The following CDH23 variants were observed in gnomAD, a reference collection of about 807,000 sequenced individuals.
The protein encoded by CDH23 is cadherin related 23.
Under a neutral mutation model 317.1 loss-of-function variants are expected in CDH23, and 189 were observed. That is an observed-to-expected ratio of 0.60 (90% CI 0.53 to 0.67). The LOEUF is 0.67. Ranked by LOEUF, CDH23 falls within the 30% of genes least tolerant of loss-of-function variation. CDH23 has a pLI of 0.00. For missense variants in CDH23, 4,401 were observed against 4,592.4 expected (o/e 0.96, Z 1.20); for synonymous variants, 1,839 against 1,876.8 (o/e 0.98, Z 0.52).
At chr10:71,639,314 G>A (rs372343293) in intron 11 of CDH23, among the ~76,000 whole-genome samples, 2 of 152,080 alleles carry the variant, frequency 1.3e-5, no homozygotes, top group Admixed American at 6.5e-5. Context: ...AGCCTCCTCC[G>A]CATCTCCACC....
At chr10:71,584,048 C>T (rs530987985) in intron 9 of CDH23, among the ~76,000 whole-genome samples, 8 of 152,128 alleles carry the variant, frequency 5.3e-5, no homozygotes, top group East Asian at 1.9e-4. Context: ...TCTGTGGGTG[C>T]GCCCGGGCAA....
chr10:71,796,990 C>T, intron 48 of CDH23, 114 bp from the exon 49 acceptor site: 6 of 687,778 alleles, frequency 8.7e-6, no homozygotes, highest in Non-Finnish European at 1.6e-5. Context: ...CCAGATTCTA[C>T]TGGGGACCGT....
chr10:71,690,566 C>T lies in CDH23; in HGVS notation c.2158C>T (p.Arg720Trp), dbSNP rs746487992. The change falls in exon 20 of 70, where the codon CGG becomes TGG. Residue 720 changes from arginine (R) to tryptophan (W), a missense_variant. Physicochemically the swap from Arg to Trp is moderately radical, Grantham distance 101. This residue lies in a region of CDH23 where 3,068 missense variants were observed against 3,203.3 expected (regional missense o/e 0.96). Coordinates refer to ENST00000224721, the MANE Select transcript of CDH23 (RefSeq NM_022124.6). ...IYSLEGSTQF[R>W]INARSGEITT... ...CTCCTTGGAAGGCTCCACCCAGTTTCGGATCAATGCCCGCTCAGGTGAGCC... is the reference window on the plus strand; with the variant it reads ...CTCCTTGGAAGGCTCCACCCAGTTTTGGATCAATGCCCGCTCAGGTGAGCC... 11 of 1,603,440 alleles carry T rather than the reference C, an allele frequency of 6.9e-6. No individual in the cohort carries two copies. Among genetic ancestry groups the T allele is most frequent in the South Asian group, 4.5e-5 (4 of 88,452 alleles).
intron 1 of CDH23, among the ~76,000 whole-genome samples, chr10:71,421,915 A>G (rs1170105655): frequency 6.6e-6 from 1 of 152,102 alleles, no homozygotes; most frequent in Non-Finnish European, 1.5e-5. Context: ...GGTCATTAAA[A>G]GAGGAAGGGT....
At chr10:71,436,014 G>A (rs1216282415) in intron 1 of CDH23, among the ~76,000 whole-genome samples, 3 of 152,262 alleles carry the variant, frequency 2.0e-5, no homozygotes, top group South Asian at 2.1e-4. Flanking sequence ...GGACCTCAGG[G>A]AAAACCCAGC....
chr10:71,439,492 C>T (rs1170379572), intron 1 of CDH23, among the ~76,000 whole-genome samples: 2 of 152,096 alleles, frequency 1.3e-5, no homozygotes, highest in African/African-American at 4.8e-5. Context: ...CCCCTGCCTC[C>T]ATCTACTGGG....
At position 71,701,951 on chromosome 10, in the gene CDH23, T is replaced by C. The variant is rs116173714; in HGVS notation, c.2398-71T>C. The stretch of plus-strand genomic sequence containing the variant: ...CCCAGGACCAACGTCTGAGCTCAGA[T>C]ACTCCCGGCCAGCCCAGAGACACCC... On this transcript the variant is annotated intron_variant, in intron 22 of 69. Coordinates refer to ENST00000224721, the MANE Select transcript of CDH23 (RefSeq NM_022124.6). 1.1e-3 allele frequency: 1,671 copies of C among 1,521,234 alleles called. 23 individuals are homozygous for C. The African/African-American group carries it at 0.02, about 19-fold the overall frequency. 94.2% of individuals were successfully genotyped at this position (1,521,234 alleles called of 1,614,324 possible).
At chr10:71,433,477 C>T (rs1354225249) in intron 1 of CDH23, among the ~76,000 whole-genome samples, 1 of 152,124 alleles carries the variant, frequency 6.6e-6, no homozygotes, top group Non-Finnish European at 1.5e-5. Context: ...GTTTGGGAGC[C>T]CTGCTGATCT....
At chr10:71,539,022 A>G (rs1160737186) in intron 6 of CDH23, among the ~76,000 whole-genome samples, 1 of 152,230 alleles carries the variant, frequency 6.6e-6, no homozygotes, top group Non-Finnish European at 1.5e-5. Flanking sequence ...GCCTGTATCC[A>G]GGGAACCTGG....
At chr10:71,792,180 A>G (rs910898461) in intron 47 of CDH23, among the ~76,000 whole-genome samples, 1 of 152,206 alleles carries the variant, frequency 6.6e-6, no homozygotes, top group Admixed American at 6.5e-5. Flanking sequence ...AATGAGGCCA[A>G]TGGGGAAGCT....
At chr10:71,773,486 G>A (rs1417676631) in intron 38 of CDH23, 21 of 1,544,556 alleles carry the variant, frequency 1.4e-5, no homozygotes, top group Non-Finnish European at 1.8e-5. Flanking sequence ...GGGAGCGGGC[G>A]GGACGCGGCC....
chr10:71,644,423 C>A (rs1862729521), intron 12 of CDH23, among the ~76,000 whole-genome samples: 1 of 152,256 alleles, frequency 6.6e-6, no homozygotes, highest in African/African-American at 2.4e-5. Context: ...CGTTAGCATG[C>A]ATTCATTCCA....
chr10:71,773,109 G>A lies in CDH23; in HGVS notation c.4846-4571G>A, dbSNP rs111977156. On this transcript the variant is annotated intron_variant, in intron 38 of 69. Coordinates refer to ENST00000224721, the MANE Select transcript of CDH23 (RefSeq NM_022124.6). ...AGGGCTGGACAGGCAGCCCTCAGGG[G>A]ACAGCCCTGCCTGCCACTTGGGCAG... 5.0e-3 allele frequency among the ~76,000 whole-genome samples: 769 copies of A among 152,344 alleles called. 9 individuals are homozygous for A. Among genetic ancestry groups the A allele is most frequent in the African/African-American group, 0.018 (728 of 41,578 alleles).
chr10:71,647,780 A>C (rs4746091), intron 14 of CDH23: 30,164 of 152,152 alleles, frequency 0.2, 3,230 homozygotes, highest in East Asian at 0.35. Context: ...ACCGTCTGAG[A>C]ATGGGGAAGG....
chr10:71,427,022 G>A lies in CDH23; in HGVS notation c.-5-12805G>A, dbSNP rs370303716. Among the ~76,000 whole-genome samples the A allele has an allele frequency of 5.3e-5, 8 of 151,696 alleles. No homozygotes were observed. The East Asian group carries it at 7.8e-4, about 15-fold the overall frequency. On this transcript the variant is annotated intron_variant, in intron 1 of 69. Coordinates refer to ENST00000224721, the MANE Select transcript of CDH23 (RefSeq NM_022124.6). ...AAAAATTAGCTAGGCATAGTGGCACGCTCCTGTAGTCCCAGCTACTCGGAA... is the reference window on the plus strand; with the variant it reads ...AAAAATTAGCTAGGCATAGTGGCACACTCCTGTAGTCCCAGCTACTCGGAA...
At chr10:71,605,880 C>G (rs61851973) in intron 9 of CDH23, among the ~76,000 whole-genome samples, 4,717 of 152,302 alleles carry the variant, frequency 0.031, 126 homozygotes, top group Non-Finnish European at 0.049. Context: ...AAGAAATTCT[C>G]TCCATGGCAG....
Position 71,579,929 on chromosome 10 carries a change from G to A in CDH23, c.832+1937G>A, listed in dbSNP as rs141243181. ...AGGAAGGGGGTGCTGGGCTGGGCAG[G>A]GGCGTGTCTCTTATGTGCTCACAGC... is the stretch of plus-strand genomic sequence containing the variant. On this transcript the variant is annotated intron_variant, in intron 9 of 69. Transcript: ENST00000224721. Among the ~76,000 whole-genome samples, 1,213 of 152,238 alleles carry A rather than the reference G, an allele frequency of 8.0e-3. 14 individuals are homozygous for A. The highest frequency in any genetic ancestry group is 0.079 in the Middle Eastern group (23 of 292).
chr10:71,556,995 A>G (rs1856907110), intron 6 of CDH23, among the ~76,000 whole-genome samples: 2 of 152,132 alleles, frequency 1.3e-5, no homozygotes, highest in Admixed American at 1.3e-4. Context: ...CTTAACATAT[A>G]TACACCCTAC....
chr10:71,671,082 C>G (rs1864126465), intron 14 of CDH23, among the ~76,000 whole-genome samples: 1 of 151,842 alleles, frequency 6.6e-6, no homozygotes, highest in South Asian at 2.1e-4. Context: ...GCCTCAGCCT[C>G]CTGAGTAGCT....
Sources: allele counts gnomAD v4.1 joint callset (sites outside exome capture counted in the v4.1 genomes callset), GRCh38; gene constraint gnomAD v4.1.1; regional missense constraint gnomAD v4.1.1; transcripts MANE v1.5; gene names NCBI Gene and HGNC (gene_info 2026-07-23, HGNC 2026-07-21).